The following STK39 variants were observed in gnomAD, a reference collection of about 807,000 sequenced individuals.
STK39 encodes STE20/SPS1-related proline-alanine-rich protein kinase.
A neutral mutation model predicts 77.8 loss-of-function variants in STK39; 20 were observed. The observed-to-expected ratio is 0.26, with a 90% CI of 0.18 to 0.37. The LOEUF (loss-of-function observed/expected upper bound fraction) is 0.37, where lower values mean the gene tolerates loss of function less well. STK39 is among the 10% of genes least tolerant of loss of function. The pLI is 1.00. For missense variants in STK39, 479 were observed against 656.5 expected (o/e 0.73, Z 2.95); for synonymous variants, 246 against 234.1 (o/e 1.05, Z -0.47).
intron 16 of STK39, among the ~76,000 whole-genome samples, chr2:167,990,019 C>A (rs115559779): frequency 0.016 from 2,479 of 151,982 alleles, 62 homozygotes; most frequent in African/African-American, 0.055. Flanking sequence ...TAATAATCAT[C>A]ATCATCATCT....
At chr2:168,012,611 G>A (rs771900070) in intron 16 of STK39, 23 bp downstream of exon 16, 11 of 1,605,534 alleles carry the variant, frequency 6.9e-6, no homozygotes, top group Admixed American at 1.7e-5. Context: ...CAAAATGACA[G>A]TGCATACTAA....
intron 1 of STK39, among the ~76,000 whole-genome samples, chr2:168,220,920 G>A (rs1690152587): frequency 1.3e-5 from 2 of 152,118 alleles, no homozygotes; most frequent in South Asian, 4.1e-4. Context: ...TATTTTTCCA[G>A]TAAAAGGTGG....
chr2:167,980,250 G>A (rs1683379079), intron 16 of STK39, among the ~76,000 whole-genome samples: 1 of 152,154 alleles, frequency 6.6e-6, no homozygotes, highest in Admixed American at 6.5e-5. Context: ...TTACGATCTT[G>A]TCACATGAAC....
rs1173536438 is a variant in STK39 at position 168,017,112 on chromosome 2, A to G, written c.1377-17T>C. 3 of 1,570,432 alleles carry G rather than the reference A, an allele frequency of 1.9e-6. No individual in the cohort carries two copies. In the South Asian group the frequency reaches 3.5e-5, roughly 19 times the overall value. On this transcript the variant is annotated splice_polypyrimidine_tract_variant and intron_variant, in intron 14 of 17. Coordinates refer to ENST00000355999, the MANE Select transcript of STK39 (RefSeq NM_013233.3). Reference sequence around the variant, plus strand: ...CTGGAGTTTCTGAAATACATAACATATAATACATTAAAGTCTAGGGAAGCA... The same window carrying G: ...CTGGAGTTTCTGAAATACATAACATGTAATACATTAAAGTCTAGGGAAGCA...
At chr2:168,127,453 A>C (rs1687573228) in intron 10 of STK39, among the ~76,000 whole-genome samples, 1 of 152,160 alleles carries the variant, frequency 6.6e-6, no homozygotes, top group African/African-American at 2.4e-5. Flanking sequence ...CCGGCCAAGT[A>C]ATTTTTTTCT....
At chr2:168,114,011 C>T in intron 10 of STK39, among the ~76,000 whole-genome samples, 1 of 152,216 alleles carries the variant, frequency 6.6e-6, no homozygotes, top group East Asian at 1.9e-4. Flanking sequence ...TTAAAAAATA[C>T]ACTCAATAGG....
chr2:167,992,591 T>C (rs1683730587), intron 16 of STK39, among the ~76,000 whole-genome samples: 1 of 152,220 alleles, frequency 6.6e-6, no homozygotes, highest in Non-Finnish European at 1.5e-5. Context: ...AGTGCCTACG[T>C]TCATTCCTTA....
chr2:168,134,589 T>G (rs927144060), intron 8 of STK39, among the ~76,000 whole-genome samples: 2 of 152,180 alleles, frequency 1.3e-5, no homozygotes, highest in Non-Finnish European at 2.9e-5. Context: ...TTAAGGCTCT[T>G]TTATTTTTAA....
At chr2:168,073,313 T>C (rs1360407227) in intron 12 of STK39, among the ~76,000 whole-genome samples, 1 of 152,236 alleles carries the variant, frequency 6.6e-6, no homozygotes, top group African/African-American at 2.4e-5. Flanking sequence ...CAGGATCCAA[T>C]GGATATCGTC....
At chr2:168,074,396 T>C (rs1283521513) in intron 12 of STK39, among the ~76,000 whole-genome samples, 1 of 152,150 alleles carries the variant, frequency 6.6e-6, no homozygotes, top group Non-Finnish European at 1.5e-5. Context: ...ATTAGGATAA[T>C]TAATCAAATG....
intron 16 of STK39, among the ~76,000 whole-genome samples, chr2:168,008,411 G>T (rs1307141281): frequency 2.0e-5 from 3 of 152,220 alleles, no homozygotes. Flanking sequence ...CACCTGGAAA[G>T]GTGGAGATGA....
chr2:168,078,137 GTGA>G (rs1193890347), intron 10 of STK39, among the ~76,000 whole-genome samples: 1 of 152,174 alleles, frequency 6.6e-6, no homozygotes, highest in Non-Finnish European at 1.5e-5. Flanking sequence ...CTCAGTTTAA[GTGA>G]TACCTAAAGG....
At chr2:168,127,700 T>A (rs1194866506) in intron 10 of STK39, among the ~76,000 whole-genome samples, 1 of 152,178 alleles carries the variant, frequency 6.6e-6, no homozygotes, top group African/African-American at 2.4e-5. Context: ...GCTCTTCTGG[T>A]TGTTTTTGTT....
intron 16 of STK39, among the ~76,000 whole-genome samples, chr2:167,968,559 T>C (rs1015174380): frequency 6.6e-6 from 1 of 152,222 alleles, no homozygotes; most frequent in African/African-American, 2.4e-5. Flanking sequence ...AGAGAACCAG[T>C]GAACACGGAG....
intron 1 of STK39, among the ~76,000 whole-genome samples, chr2:168,237,063 T>C (rs2105272846): frequency 6.6e-6 from 1 of 152,230 alleles, no homozygotes; most frequent in East Asian, 1.9e-4. Context: ...CGATATTGAT[T>C]CTTCCTATCC....
chr2:168,111,055 T>C lies in STK39; in HGVS notation c.1089+18486A>G, dbSNP rs148958194. 7.1e-3 allele frequency among the ~76,000 whole-genome samples: 1,078 copies of C among 152,280 alleles called. 14 individuals are homozygous for C. Among genetic ancestry groups the C allele is most frequent in the African/African-American group, 0.024 (1,005 of 41,566 alleles). ...ACCTGGTCTTATAGGACTACTCATC[T>C]TTCTATTTTTTCACTTGTCTCAGTT... On this transcript the variant is annotated intron_variant, in intron 10 of 17. Transcript: ENST00000355999.
At chr2:168,069,483 C>T (rs1037116431) in intron 12 of STK39, among the ~76,000 whole-genome samples, 2 of 152,228 alleles carry the variant, frequency 1.3e-5, no homozygotes, top group Admixed American at 6.5e-5. Context: ...AGCCAGAAAC[C>T]TTTCCCACCT....
intron 5 of STK39, among the ~76,000 whole-genome samples, chr2:168,143,160 T>G (rs770233758): frequency 6.6e-6 from 1 of 152,198 alleles, no homozygotes. Flanking sequence ...CAGGAATAAC[T>G]GGAGGATATG....
chr2:168,129,257 A>G (rs1160152737), intron 10 of STK39, among the ~76,000 whole-genome samples: 2 of 152,246 alleles, frequency 1.3e-5, no homozygotes, highest in Non-Finnish European at 2.9e-5. Context: ...TTACCTCTCC[A>G]GTATTTAAAC....
Sources: gnomAD v4.1 joint callset for allele counts (sites outside exome capture counted in the v4.1 genomes callset) on GRCh38, gnomAD v4.1.1 for gene constraint, MANE v1.5 for transcripts, NCBI Gene and HGNC (gene_info 2026-07-23, HGNC 2026-07-21) for gene names.